COL4A3: variants seen among roughly 807,000 people sequenced by gnomAD.
COL4A3 encodes the protein collagen type IV alpha 3 chain.
In COL4A3, 135 loss-of-function variants were observed where a neutral mutation model predicts 217.4. The observed-to-expected ratio is 0.62, with a 90% CI of 0.54 to 0.72. The LOEUF is 0.72. Ranked by LOEUF, COL4A3 falls within the 30% of genes least tolerant of loss-of-function variation. The pLI, the probability that COL4A3 is intolerant of heterozygous loss-of-function variation, is 0.00. For synonymous variants in COL4A3, 690 were observed against 736.3 expected, an observed-to-expected ratio of 0.94 and a Z score of 1.02; for missense variants, 1,868 against 2,119.9, an observed-to-expected ratio of 0.88 and a Z score of 2.33.
intron 1 of COL4A3, among the ~76,000 whole-genome samples, chr2:227,181,417 A>C (rs1273214531): frequency 6.6e-6 from 1 of 152,250 alleles, no homozygotes; most frequent in African/African-American, 2.4e-5. Context: ...GTGAAGTTTC[A>C]AAATGAAGCC....
rs527383673 is a variant in COL4A3 at position 227,279,800 on chromosome 2, A to C, written c.2133A>C (p.Gln711His). ...ATTGTTTTTTCTCTGTAGGAGACCA[A>C]GGTTTTCCAGGTACAAAAGGATCAC... ...FPGPPGPKGD[Q>H]GFPGTKGSLG... Residue 711 changes from glutamine to histidine, a missense_variant, in exon 29 of 52, where the codon CAA becomes CAC. Physicochemically the swap from Gln to His is conservative, Grantham distance 24 (BLOSUM62 0). Transcript: ENST00000396578. The C allele has an allele frequency of 6.2e-7, 1 of 1,606,700 alleles. No individual in the cohort carries two copies. The highest frequency in any genetic ancestry group is 8.5e-7 in the Non-Finnish European group (1 of 1,176,596).
intron 33 of COL4A3, 118 bp from the exon 34 acceptor site, chr2:227,284,093 G>A (rs2072165580): frequency 7.2e-7 from 1 of 1,384,112 alleles, no homozygotes; most frequent in Non-Finnish European, 1.0e-6. Flanking sequence ...CAAGTTCTCA[G>A]CACTGTTAGC....
chr2:227,192,564 C>T (rs2066285896), intron 1 of COL4A3, among the ~76,000 whole-genome samples: 1 of 152,212 alleles, frequency 6.6e-6, no homozygotes, highest in African/African-American at 2.4e-5. Flanking sequence ...AACCCCACCA[C>T]AATGGTGGTT....
chr2:227,260,109 C>A, intron 19 of COL4A3: 1 of 686,858 alleles, frequency 1.5e-6, no homozygotes. Flanking sequence ...ACATAAAGTT[C>A]AAATCTGTCA....
intron 50 of COL4A3, 28 bp downstream of exon 50, chr2:227,309,346 G>C: frequency 6.5e-7 from 1 of 1,531,004 alleles, no homozygotes; most frequent in East Asian, 2.3e-5. Flanking sequence ...AGGAGGTTTA[G>C]GGTAAAGACT....
chr2:227,312,150 T>C lies in COL4A3; in HGVS notation c.*280T>C. 1 of 404,454 alleles carries C rather than the reference T, an allele frequency of 2.5e-6. No homozygotes were observed. Among genetic ancestry groups the C allele is most frequent in the East Asian group, 5.5e-5 (1 of 18,212 alleles). 25.1% of individuals were successfully genotyped at this position (404,454 alleles called of 1,614,324 possible). On this transcript the variant is annotated 3_prime_UTR_variant, in exon 52 of 52. Transcript: ENST00000396578. ...TATTCCACTTACATCCAAGGCACTG[T>C]CACTACGGTGATTGTATGAAGTTTG...
intron 34 of COL4A3, among the ~76,000 whole-genome samples, chr2:227,286,620 T>G (rs1008130681): frequency 2.5e-4 from 38 of 152,192 alleles, no homozygotes; most frequent in African/African-American, 8.9e-4. Flanking sequence ...ATGGCAGAGA[T>G]GGGCCTCACT....
intron 2 of COL4A3, among the ~76,000 whole-genome samples, chr2:227,239,768 G>A (rs761346371): frequency 1.3e-5 from 2 of 152,148 alleles, no homozygotes; most frequent in Non-Finnish European, 2.9e-5. Context: ...TCTTGCACCT[G>A]ACCCTCACTG....
rs1401162986 is a variant in COL4A3, at chr2:227,256,383, A to C, written c.974A>C (p.Glu325Ala). The C allele has an allele frequency of 1.2e-6, 2 of 1,613,294 alleles. No homozygotes were observed. The highest frequency in any genetic ancestry group is 2.7e-5 in the African/African-American group (2 of 74,894). ...GNRGFPGLMG[E>A]DGIKGQKGDI... ...AGGGGTTTCCCTGGGTTAATGGGTG[A>C]AGATGGCATTAAGGTAATCCTCTCC... Residue 325 changes from glutamate (E) to alanine (A), a missense_variant, in exon 17 of 52, where the codon GAA (glutamate) becomes GCA (alanine). By Grantham distance (107) the Glu-to-Ala change is moderately radical. Transcript: ENST00000396578.
chr2:227,291,360 G>A (rs2072696013), intron 37 of COL4A3, among the ~76,000 whole-genome samples: 1 of 151,744 alleles, frequency 6.6e-6, no homozygotes, highest in South Asian at 2.1e-4. Flanking sequence ...TCAGGAGATC[G>A]AGACCATCTT....
Position 227,269,990 on chromosome 2 carries a change from C to A in COL4A3, c.1575+10C>A. The A allele has an allele frequency of 6.2e-7, 1 of 1,609,954 alleles. No homozygotes were observed. Among genetic ancestry groups the A allele is most frequent in the South Asian group, 1.1e-5 (1 of 90,862 alleles). On this transcript the variant is annotated intron_variant, in intron 24 of 51. Coordinates refer to ENST00000396578, the MANE Select transcript of COL4A3 (RefSeq NM_000091.5). ...TCTTCCAGGATTTCCAGTAAGATTT[C>A]ATGTTTTTAAATCTTTAGCTTCAAT...
chr2:227,248,585 T>C, intron 9 of COL4A3, 65 bp downstream of exon 9: 1 of 1,046,674 alleles, frequency 9.6e-7, no homozygotes, highest in Non-Finnish European at 1.5e-6. Context: ...TCTTTTCGCC[T>C]CTCTTTACTT....
At position 227,202,516 on chromosome 2, in the gene COL4A3, G is replaced by A. The variant is rs181248110; in HGVS notation, c.88-35452G>A. On this transcript the variant is annotated intron_variant, in intron 1 of 51. Coordinates refer to ENST00000396578, the MANE Select transcript of COL4A3 (RefSeq NM_000091.5). ...TCCCAGCACTTTGGGAGGCCGAGGC[G>A]GGCGGATCACTAGGTCAGGAGATCG... is the stretch of plus-strand genomic sequence containing the variant. Among the ~76,000 whole-genome samples the A allele has an allele frequency of 8.9e-3, 1,346 of 150,782 alleles. 23 individuals are homozygous for A. The highest frequency in any genetic ancestry group is 0.031 in the African/African-American group (1,260 of 41,034).
At chr2:227,307,034 A>AGT (rs1287584271) in intron 47 of COL4A3, among the ~76,000 whole-genome samples, 1 of 152,216 alleles carries the variant, frequency 6.6e-6, no homozygotes, top group East Asian at 1.9e-4. Flanking sequence ...GAACACGACA[A>AGT]GTGTGGATTA....
At chr2:227,304,652 T>C (rs35735456) in intron 46 of COL4A3, among the ~76,000 whole-genome samples, 2 of 152,250 alleles carry the variant, frequency 1.3e-5, no homozygotes, top group Non-Finnish European at 2.9e-5. Flanking sequence ...CTTAAGTTTG[T>C]CTGAATCACC....
chr2:227,166,339 C>T (rs142989538), intron 1 of COL4A3, among the ~76,000 whole-genome samples: 3 of 152,100 alleles, frequency 2.0e-5, no homozygotes, highest in East Asian at 3.8e-4. Context: ...CCAGCTTTAA[C>T]CAGGACAAAT....
intron 32 of COL4A3, among the ~76,000 whole-genome samples, 158 bp from the exon 33 acceptor site, chr2:227,283,603 ACCGACC>A (rs1432775463): frequency 2.0e-5 from 3 of 152,270 alleles, no homozygotes; most frequent in Non-Finnish European, 4.4e-5. Context: ...AAGACCACTT[ACCGACC>A]CATCTCCTAG....
At chr2:227,260,183 C>G (rs562327584) in intron 19 of COL4A3, 1 of 514,598 alleles carries the variant, frequency 1.9e-6, no homozygotes, top group South Asian at 1.7e-5. Flanking sequence ...AATGGGATTA[C>G]GAAGGGAAAA....
chr2:227,285,014 T>C (rs2072225348), intron 34 of COL4A3, among the ~76,000 whole-genome samples: 1 of 152,038 alleles, frequency 6.6e-6, no homozygotes, highest in Non-Finnish European at 1.5e-5. Context: ...CTTGACCAAA[T>C]GTAATCCCAA....
Sources: gnomAD v4.1 joint callset for allele counts (sites outside exome capture counted in the v4.1 genomes callset) on GRCh38, gnomAD v4.1.1 for gene constraint, MANE v1.5 for transcripts, NCBI Gene and HGNC (gene_info 2026-07-23, HGNC 2026-07-21) for gene names.